The following TBC1D2B variants were observed in gnomAD, a reference collection of about 807,000 sequenced individuals.
TBC1D2B encodes the protein TBC1 domain family, member 2B.
A neutral mutation model predicts 100.8 loss-of-function variants in TBC1D2B; 64 were observed. The observed-to-expected ratio is 0.64, with a 90% CI of 0.52 to 0.78. The LOEUF (loss-of-function observed/expected upper bound fraction) is 0.78, where lower values mean the gene tolerates loss of function less well. Among genes scored for constraint, TBC1D2B ranks in the 30% least tolerant of loss-of-function variants. The pLI, the probability that TBC1D2B is intolerant of heterozygous loss-of-function variation, is 0.00. For missense variants in TBC1D2B, 1,052 were observed against 1,218.4 expected (o/e 0.86, Z 2.03); for synonymous variants, 480 against 479.7 (o/e 1.00, Z -0.01).
intron 4 of TBC1D2B, among the ~76,000 whole-genome samples, chr15:78,026,901 CAAAA>C (rs5813893): frequency 9.0e-6 from 1 of 110,546 alleles, no homozygotes. Context: ...ATCTCCATCT[CAAAA>C]AAAAAAAAAA....
intron 1 of TBC1D2B, among the ~76,000 whole-genome samples, chr15:78,062,524 G>A (rs2073568837): frequency 6.6e-6 from 1 of 152,148 alleles, no homozygotes; most frequent in Non-Finnish European, 1.5e-5. Flanking sequence ...CTGCTGAGGA[G>A]AATTTGGAAA....
At chr15:78,037,767 A>AT (rs977320009) in intron 3 of TBC1D2B, among the ~76,000 whole-genome samples, 8 of 152,140 alleles carry the variant, frequency 5.3e-5, no homozygotes, top group Non-Finnish European at 1.0e-4. Context: ...CATGACAAGC[A>AT]TTTTTTTAGT....
At chr15:78,067,302 C>T (rs2141839858) in intron 1 of TBC1D2B, among the ~76,000 whole-genome samples, 1 of 152,272 alleles carries the variant, frequency 6.6e-6, no homozygotes, top group African/African-American at 2.4e-5. Context: ...CTCCAGCTCC[C>T]AGAGCCACCT....
rs2072384987 is a variant in TBC1D2B, at chr15:78,016,671, C to G, written c.1650G>C (p.Lys550Asn). 1 of 1,606,302 alleles carries G rather than the reference C, an allele frequency of 6.2e-7. No homozygotes were observed. The highest frequency in any genetic ancestry group is 8.5e-7 in the Non-Finnish European group (1 of 1,177,368). Residue 550 changes from lysine (K) to asparagine (N), a missense_variant, in exon 8 of 13, where the codon AAG becomes AAC. Around this residue, in one of 4 missense-constraint regions of TBC1D2B, gnomAD observed 373 missense variants for 464.9 expected, o/e 0.80. Transcript: ENST00000300584. ...CCTGGTCTTCTGAGCACACTGGTGT[C>G]TTCATTTCTTGGAGCAATATCAGGT... is the stretch of plus-strand genomic sequence containing the variant. The part of the protein sequence containing the change: ...SKYLILLQEM[K>N]TPVCSEDQGP...
intron 9 of TBC1D2B, among the ~76,000 whole-genome samples, chr15:78,009,408 C>T (rs529087264): frequency 1.5e-4 from 23 of 152,184 alleles, no homozygotes; most frequent in African/African-American, 5.3e-4. Flanking sequence ...GGAGTAGCGA[C>T]GCACACCTGT....
At position 78,003,481 on chromosome 15, in the gene TBC1D2B, G is replaced by A. The variant is rs147044771; in HGVS notation, c.2398C>T (p.Arg800Trp). The change falls in exon 11 of 13, where the codon CGG (arginine) becomes TGG (tryptophan). Residue 800 changes from arginine (R) to tryptophan (W), a missense_variant. Physicochemically the swap from Arg to Trp is moderately radical, Grantham distance 101 (BLOSUM62 -3). Around this residue, in one of 4 missense-constraint regions of TBC1D2B, gnomAD observed 373 missense variants for 464.9 expected, o/e 0.80. Coordinates refer to ENST00000300584, the MANE Select transcript of TBC1D2B (RefSeq NM_144572.2). ...TCACTCATAAGGTCTCTGAACACCC[G>A]CTGGTCCACCTGGAGAGGGAACAAA... ...KTLLGSQVDQ[R>W]VFRDLMSEKL... 36 of 1,607,454 alleles carry A rather than the reference G, an allele frequency of 2.2e-5. No individual in the cohort carries two copies. The highest frequency in any genetic ancestry group is 1.7e-4 in the Admixed American group (10 of 59,916).
Position 78,054,041 on chromosome 15 carries a change from A to G in TBC1D2B, c.507T>C (p.Asp169=). The part of the protein sequence containing the change: ...GDFPKGLVAR[D]NTDLIYPHPN... Reference sequence around the variant, plus strand: ...CCTTTATTTCTGCCTTACCAGTGTTATCTCTGGCTACAAGACCCTTAGGAA... The same window carrying G: ...CCTTTATTTCTGCCTTACCAGTGTTGTCTCTGGCTACAAGACCCTTAGGAA... Residue 169 remains aspartate, a synonymous_variant, in exon 2 of 13, where the codon GAT becomes GAC. Coordinates refer to ENST00000300584, the MANE Select transcript of TBC1D2B (RefSeq NM_144572.2). 2 of 1,612,576 alleles carry G rather than the reference A, an allele frequency of 1.2e-6. No homozygotes were observed. Among genetic ancestry groups the G allele is most frequent in the Non-Finnish European group, 1.7e-6 (2 of 1,179,394 alleles).
chr15:78,019,831 G>A (rs2072470143), intron 6 of TBC1D2B, among the ~76,000 whole-genome samples: 1 of 151,074 alleles, frequency 6.6e-6, no homozygotes, highest in Non-Finnish European at 1.5e-5. Flanking sequence ...GGAGGCTGCA[G>A]TGAGCCAAGA....
At chr15:78,027,166 T>C (rs1324556768) in intron 4 of TBC1D2B, among the ~76,000 whole-genome samples, 1 of 152,158 alleles carries the variant, frequency 6.6e-6, no homozygotes, top group African/African-American at 2.4e-5. Context: ...GTGTGATTTA[T>C]ATAAAGTTAG....
rs1399556603 is a variant in TBC1D2B, at chr15:77,997,786, G to A, written c.*374C>T. 1.1e-5 allele frequency: 2 copies of A among 175,780 alleles called. No individual in the cohort carries two copies. Among genetic ancestry groups the A allele is most frequent in the Non-Finnish European group, 2.4e-5 (2 of 83,814 alleles). The allele number at this position is 175,780 out of a possible 1,614,324, so 10.9% of individuals were successfully genotyped here. On this transcript the variant is annotated 3_prime_UTR_variant, in exon 13 of 13. Coordinates refer to ENST00000300584, the MANE Select transcript of TBC1D2B (RefSeq NM_144572.2). ...AAAACCACACACCACTGCCCACTAT[G>A]TACAGGAGAGAGAATATGGGGAGAT...
chr15:78,026,803 AG>A (rs1029012913), intron 4 of TBC1D2B, among the ~76,000 whole-genome samples: 1 of 151,736 alleles, frequency 6.6e-6, no homozygotes, highest in Non-Finnish European at 1.5e-5. Context: ...CAGGAGGCTG[AG>A]GCAGGAGAAT....
At chr15:78,055,165 G>T (rs2073394099) in intron 1 of TBC1D2B, among the ~76,000 whole-genome samples, 1 of 152,146 alleles carries the variant, frequency 6.6e-6, no homozygotes, top group Non-Finnish European at 1.5e-5. Flanking sequence ...CCAGGGCTTG[G>T]CAGGGAGGGG....
At chr15:78,012,784 C>A in intron 9 of TBC1D2B, 39 bp downstream of exon 9, 1 of 1,413,754 alleles carries the variant, frequency 7.1e-7, no homozygotes, top group Admixed American at 2.7e-5. Context: ...CTACAAGTTG[C>A]CTAATGGCAA....
In TBC1D2B at chr15:78,077,365, C is replaced by G; in HGVS notation, c.288G>C (p.Glu96Asp). ...DACFSYQGPD[E>D]AAEPGTEPPA... ...GCGGCTCCGTGCCCGGCTCCGCCGC[C>G]TCGTCGGGGCCCTGGTAGCTGAAGC... The change falls in exon 1 of 13, where the codon GAG becomes GAC. Residue 96 changes from glutamate to aspartate, a missense_variant. Transcript: ENST00000300584. 6.5e-7 allele frequency: 1 copy of G among 1,540,400 alleles called. No homozygotes were observed. The highest frequency in any genetic ancestry group is 8.7e-7 in the Non-Finnish European group (1 of 1,143,276).
intron 3 of TBC1D2B, among the ~76,000 whole-genome samples, chr15:78,032,357 T>C (rs1422902427): frequency 2.6e-5 from 4 of 152,080 alleles, no homozygotes; most frequent in African/African-American, 4.8e-5. Flanking sequence ...GATCAAACTG[T>C]TCCAGAGTCA....
intron 1 of TBC1D2B, among the ~76,000 whole-genome samples, chr15:78,061,591 T>TTA (rs146049271): frequency 0.053 from 7,896 of 147,740 alleles, 264 homozygotes; most frequent in Middle Eastern, 0.12. Context: ...TATATATAAT[T>TTA]TATATATATA....
chr15:78,027,397 A>G (rs1006180919), intron 4 of TBC1D2B, among the ~76,000 whole-genome samples: 1 of 152,230 alleles, frequency 6.6e-6, no homozygotes, highest in Non-Finnish European at 1.5e-5. Context: ...TTATACATCA[A>G]TAAAAAGTTT....
intron 9 of TBC1D2B, among the ~76,000 whole-genome samples, chr15:78,011,644 GGTT>G (rs1192074809): frequency 0.055 from 7,017 of 127,450 alleles, 458 homozygotes; most frequent in East Asian, 0.23. Flanking sequence ...CTAATTTTTT[GGTT>G]TTTTTTTTTT....
chr15:78,059,247 A>G (rs1031983045), intron 1 of TBC1D2B, among the ~76,000 whole-genome samples: 1 of 152,242 alleles, frequency 6.6e-6, no homozygotes, highest in Non-Finnish European at 1.5e-5. Context: ...CCTTAAAGGC[A>G]GAGACCAGAC....
Sources: gnomAD v4.1 joint callset for allele counts (sites outside exome capture counted in the v4.1 genomes callset) on GRCh38, gnomAD v4.1.1 for gene constraint, gnomAD v4.1.1 regional missense constraint, MANE v1.5 for transcripts, NCBI Gene and HGNC (gene_info 2026-07-23, HGNC 2026-07-21) for gene names.